MYH9: variants seen among roughly 807,000 people sequenced by gnomAD.
MYH9 encodes myosin heavy chain 9, also known as myosin-9.
In MYH9, 29 loss-of-function variants were observed where a neutral mutation model predicts 241.9. The observed-to-expected ratio is 0.12, with a 90% CI of 0.09 to 0.16. The LOEUF is 0.16. Ranked by LOEUF, MYH9 falls within the 10% of genes least tolerant of loss-of-function variation. The pLI is 1.00. For missense variants in MYH9, 1,803 were observed against 2,595.5 expected (o/e 0.69, Z 6.63); for synonymous variants, 1,047 against 1,062.6 (o/e 0.99, Z 0.29).
At chr22:36,340,673 A>G (rs570022775) in intron 3 of MYH9, among the ~76,000 whole-genome samples, 2 of 152,096 alleles carry the variant, frequency 1.3e-5, no homozygotes, top group East Asian at 1.9e-4. Flanking sequence ...AAAAAAAAAA[A>G]AAAAGAAAGA....
In MYH9 at chr22:36,288,983, G is replaced by T; in HGVS notation, c.4558-44C>A. On this transcript the variant is annotated intron_variant, in intron 32 of 40. Transcript: ENST00000216181. The surrounding 1 kb of genome is among the most constrained non-coding windows in gnomAD (Gnocchi z 4.8). ...AAGTCAGGAGCAAAGGGACTGGCAG[G>T]TACCTGGGTCTGCGCGACCCGGAGT... is the stretch of plus-strand genomic sequence containing the variant. The T allele has an allele frequency of 6.2e-7, 1 of 1,613,044 alleles. No homozygotes were observed.
chr22:36,340,254 G>C (rs1041179462), intron 3 of MYH9, among the ~76,000 whole-genome samples: 1 of 151,604 alleles, frequency 6.6e-6, no homozygotes, highest in Non-Finnish European at 1.5e-5. Context: ...ATAGCTCTGG[G>C]GGAATGAGGA....
chr22:36,282,874 G>A (rs1339232229), intron 40 of MYH9, 89 bp from the exon 41 acceptor site: 12 of 1,199,034 alleles, frequency 1.0e-5, no homozygotes, highest in South Asian at 2.8e-5. Flanking sequence ...AAGTGAATTC[G>A]AGAGGGAAAC....
At chr22:36,303,741 C>T (rs1311473994) in intron 19 of MYH9, among the ~76,000 whole-genome samples, 5 of 147,838 alleles carry the variant, frequency 3.4e-5, no homozygotes, top group Admixed American at 6.8e-5. Context: ...GCCGAGAACG[C>T]ACCACAGCAC....
intron 21 of MYH9, among the ~76,000 whole-genome samples, 176 bp downstream of exon 21, chr22:36,301,358 T>A (rs2016873918): frequency 6.6e-6 from 1 of 152,300 alleles, no homozygotes; most frequent in South Asian, 2.1e-4. Flanking sequence ...CCTACATCAC[T>A]TAACACCCAA....
intron 1 of MYH9, among the ~76,000 whole-genome samples, chr22:36,353,664 A>T (rs1042007204): frequency 6.6e-6 from 1 of 152,192 alleles, no homozygotes; most frequent in South Asian, 2.1e-4. Flanking sequence ...GAAACTTTTT[A>T]AAACTGCCCA....
chr22:36,320,731 G>T lies in MYH9; in HGVS notation c.868+67C>A. The T allele has an allele frequency of 1.5e-6, 2 of 1,357,196 alleles. No homozygotes were observed. Among genetic ancestry groups the T allele is most frequent in the South Asian group, 1.2e-5 (1 of 84,186 alleles). 84.1% of individuals were successfully genotyped at this position (1,357,196 alleles called of 1,614,324 possible). A position where few individuals can be genotyped will look rare whatever the true frequency, so the allele number is the denominator to read the frequency against. On this transcript the variant is annotated intron_variant, in intron 8 of 40. Coordinates refer to ENST00000216181, the MANE Select transcript of MYH9 (RefSeq NM_002473.6). This position sits in a 1 kb window ranked among gnomAD's most constrained non-coding sequence, Gnocchi z 4.8. ...TTTTCATTTCCCAAATGATGTCTACGGTCCAATTCTGGCAAGAGGCCCAGA... is the reference window on the plus strand; with the variant it reads ...TTTTCATTTCCCAAATGATGTCTACTGTCCAATTCTGGCAAGAGGCCCAGA...
In MYH9 at chr22:36,387,854, A is replaced by T. The variant is rs924545938; in HGVS notation, c.-67T>A. The T allele has an allele frequency of 6.6e-6, 1 of 152,018 alleles. No individual in the cohort carries two copies. The highest frequency in any genetic ancestry group is 2.4e-5 in the African/African-American group (1 of 41,354). 9.4% of individuals were successfully genotyped at this position (152,018 alleles called of 1,614,324 possible). Reference sequence around the variant, plus strand: ...AACAGGCGCTGCTTCTCCCGAGAGGACTTTCTCGAGCGCTCGGGCGGCGGC... The same window carrying T: ...AACAGGCGCTGCTTCTCCCGAGAGGTCTTTCTCGAGCGCTCGGGCGGCGGC... On this transcript the variant is annotated 5_prime_UTR_variant, in exon 1 of 41. Coordinates refer to ENST00000216181, the MANE Select transcript of MYH9 (RefSeq NM_002473.6).
At chr22:36,338,930 T>C (rs1025486377) in intron 3 of MYH9, among the ~76,000 whole-genome samples, 7 of 152,214 alleles carry the variant, frequency 4.6e-5, no homozygotes, top group African/African-American at 1.7e-4. Context: ...AGACCCTGAA[T>C]TGCACAGATG....
rs201967008 is a variant in MYH9 at position 36,302,645 on chromosome 22, C to T, written c.2422G>A (p.Ala808Thr). 5.0e-6 allele frequency: 8 copies of T among 1,613,422 alleles called. No individual in the cohort carries two copies. Among genetic ancestry groups the T allele is most frequent in the Non-Finnish European group, 6.8e-6 (8 of 1,179,894 alleles). The change falls in exon 20 of 41, where the codon GCC (alanine) becomes ACC (threonine). Residue 808 changes from alanine (A) to threonine (T), a missense_variant. By Grantham distance (58) the Ala-to-Thr change is moderately conservative. Coordinates refer to ENST00000216181, the MANE Select transcript of MYH9 (RefSeq NM_002473.6). ...CAGTTCCGCTGGAGGACCTTCATGG[C>T]GGTAAGCTGCTGCTGCCGCTTGGCA... The part of the protein sequence containing the change: ...AFAKRQQQLT[A>T]MKVLQRNCAA...
chr22:36,328,628 G>A (rs1177535858), intron 3 of MYH9, among the ~76,000 whole-genome samples: 2 of 152,240 alleles, frequency 1.3e-5, no homozygotes, highest in Non-Finnish European at 2.9e-5. Flanking sequence ...CGCAGTCCCT[G>A]TAAAGACAGT....
chr22:36,305,776 G>A lies in MYH9; in HGVS notation c.2159+154C>T, dbSNP rs1397770508. Among the ~76,000 whole-genome samples the A allele has an allele frequency of 3.3e-5, 5 of 152,356 alleles. No individual in the cohort carries two copies. Among genetic ancestry groups the A allele is most frequent in the Admixed American group, 6.5e-5 (1 of 15,308 alleles). On this transcript the variant is annotated intron_variant, in intron 17 of 40. Transcript: ENST00000216181. This position sits in a 1 kb window ranked among gnomAD's most constrained non-coding sequence, Gnocchi z 4.7. ...TTCCTGCAAAGGGTGGAAAAGAGAA[G>A]GAGGTGGGGAAGAGCTGGCCAGACT...
At chr22:36,321,632 C>T (rs2017252829) in intron 7 of MYH9, 126 bp downstream of exon 7, 2 of 901,738 alleles carry the variant, frequency 2.2e-6, no homozygotes, top group African/African-American at 1.6e-5. Context: ...CCTAGCTCCA[C>T]AGAGAAGGTG....
At chr22:36,324,410 A>G (rs1221184793) in intron 5 of MYH9, among the ~76,000 whole-genome samples, 1 of 152,268 alleles carries the variant, frequency 6.6e-6, no homozygotes, top group East Asian at 1.9e-4. Flanking sequence ...TGTTTCTGCC[A>G]GTGGGCCCCA....
chr22:36,283,606 T>A (rs762964), intron 40 of MYH9, among the ~76,000 whole-genome samples: 125,841 of 150,976 alleles, frequency 0.83, 52,403 homozygotes, highest in East Asian at 0.92. Flanking sequence ...AAGAAATGAG[T>A]ATCTCAAAAA....
At position 36,300,786 on chromosome 22, in the gene MYH9, T is replaced by C; in HGVS notation, c.2838+65A>G. 6.4e-7 allele frequency: 1 copy of C among 1,572,784 alleles called. No homozygotes were observed. The highest frequency in any genetic ancestry group is 8.6e-7 in the Non-Finnish European group (1 of 1,158,098). On this transcript the variant is annotated intron_variant, in intron 22 of 40. Transcript: ENST00000216181. This position sits in a 1 kb window ranked among gnomAD's most constrained non-coding sequence, Gnocchi z 5.0. ...ATTCCATGTTCTCCCAGCTCCTGGTTCCTGCTCCTCCGCCCCGCCCTGCCC... is the reference window on the plus strand; with the variant it reads ...ATTCCATGTTCTCCCAGCTCCTGGTCCCTGCTCCTCCGCCCCGCCCTGCCC...
intron 1 of MYH9, among the ~76,000 whole-genome samples, chr22:36,379,615 G>A (rs1469552253): frequency 6.6e-6 from 1 of 152,226 alleles, no homozygotes; most frequent in African/African-American, 2.4e-5. Context: ...CATAAGGATG[G>A]TAAGGGCCTC....
intron 1 of MYH9, among the ~76,000 whole-genome samples, chr22:36,382,869 A>C (rs1165203500): frequency 6.6e-6 from 1 of 152,106 alleles, no homozygotes; most frequent in Non-Finnish European, 1.5e-5. Flanking sequence ...TCCCATACAT[A>C]ACTTGTGGGC....
In MYH9 at chr22:36,285,184, G is replaced by A; in HGVS notation, c.5420C>T (p.Ala1807Val). The A allele has an allele frequency of 6.2e-7, 1 of 1,614,192 alleles. No homozygotes were observed. Among genetic ancestry groups the A allele is most frequent in the East Asian group, 2.2e-5 (1 of 44,874 alleles). Residue 1807 changes from alanine (A) to valine (V), a missense_variant, in exon 38 of 41, where the codon GCC becomes GTC. Around this residue, in one of 11 missense-constraint regions of MYH9, gnomAD observed 876 missense variants for 1,077.8 expected, o/e 0.81. Transcript: ENST00000216181. This position sits in a 1 kb window ranked among gnomAD's most constrained non-coding sequence, Gnocchi z 7.0. ...MEGTVKSKYK[A>V]SITALEAKIA... is the part of the protein sequence containing the mutation. ...CTTGGCCTCGAGGGCGGTGATGGAG[G>A]CCTTGTACTTGGACTTGACAGTGCC... is the stretch of plus-strand genomic sequence containing the variant.
Sources: gnomAD v4.1 joint callset for allele counts (sites outside exome capture counted in the v4.1 genomes callset) on GRCh38, gnomAD v4.1.1 for gene constraint, gnomAD v4.1.1 regional missense constraint, Gnocchi (gnomAD v3.1) non-coding constraint, MANE v1.5 for transcripts, NCBI Gene and HGNC (gene_info 2026-07-23, HGNC 2026-07-21) for gene names.